Variants in GRIN2A observed in about 807,000 individuals in gnomAD.
The protein encoded by GRIN2A is glutamate receptor ionotropic, NMDA 2A.
Under a neutral mutation model 113.4 loss-of-function variants are expected in GRIN2A, and 22 were observed. The observed-to-expected ratio is 0.19, with a 90% confidence interval of 0.14 to 0.28. The LOEUF is 0.28. GRIN2A is among the 10% of genes least tolerant of loss of function. GRIN2A has a pLI of 1.00. For missense variants in GRIN2A, 1,502 were observed against 1,887.0 expected, an observed-to-expected ratio of 0.80 and a Z score of 3.78; for synonymous variants, 827 against 738.4, an observed-to-expected ratio of 1.12 and a Z score of -1.94.
intron 3 of GRIN2A, among the ~76,000 whole-genome samples, chr16:9,932,161 T>C (rs937738930): frequency 2.0e-5 from 3 of 152,206 alleles, no homozygotes; most frequent in Non-Finnish European, 4.4e-5. Flanking sequence ...AATATTCCAC[T>C]GGCCCCCAAA....
chr16:9,856,703 A>G (rs930853008), intron 4 of GRIN2A, among the ~76,000 whole-genome samples: 2 of 152,120 alleles, frequency 1.3e-5, no homozygotes, highest in African/African-American at 2.4e-5. Flanking sequence ...AGCTTTAATA[A>G]TTTCTGTAAT....
intron 10 of GRIN2A, among the ~76,000 whole-genome samples, chr16:9,821,627 C>T (rs2042287069): frequency 1.3e-5 from 2 of 152,302 alleles, no homozygotes; most frequent in South Asian, 4.1e-4. Flanking sequence ...ATTATTATTC[C>T]CATGTTAGAT....
At chr16:10,037,899 A>G (rs1319124542) in intron 2 of GRIN2A, among the ~76,000 whole-genome samples, 1 of 152,154 alleles carries the variant, frequency 6.6e-6, no homozygotes, top group Non-Finnish European at 1.5e-5. Context: ...GATTACAGGC[A>G]TGAATCATTG....
chr16:10,032,938 G>A (rs921633169), intron 2 of GRIN2A, among the ~76,000 whole-genome samples: 1 of 152,118 alleles, frequency 6.6e-6, no homozygotes, highest in Non-Finnish European at 1.5e-5. Context: ...TATATCCAGT[G>A]TCCTTACCCA....
intron 3 of GRIN2A, among the ~76,000 whole-genome samples, chr16:9,908,552 G>T (rs962602470): frequency 1.3e-5 from 2 of 152,060 alleles, no homozygotes; most frequent in African/African-American, 2.4e-5. Flanking sequence ...AAGAGGAAAA[G>T]AAGAGAAGTC....
chr16:9,799,234 G>C (rs184864395), intron 10 of GRIN2A, among the ~76,000 whole-genome samples: 14 of 152,328 alleles, frequency 9.2e-5, no homozygotes, highest in Admixed American at 9.2e-4. Context: ...CATTCATACA[G>C]AAGTAGGGTG....
intron 3 of GRIN2A, among the ~76,000 whole-genome samples, chr16:9,905,613 A>G (rs1214071781): frequency 6.6e-6 from 1 of 152,234 alleles, no homozygotes; most frequent in Non-Finnish European, 1.5e-5. Flanking sequence ...CTTCTATACC[A>G]GTACAGTTCA....
chr16:9,772,911 G>C (rs183292894), intron 11 of GRIN2A, among the ~76,000 whole-genome samples: 1 of 93,220 alleles, frequency 1.1e-5, no homozygotes, highest in Admixed American at 1.6e-4. Flanking sequence ...TGGTAAAGCA[G>C]ACTTCAATTT....
At chr16:9,945,265 T>C (rs909142921) in intron 2 of GRIN2A, among the ~76,000 whole-genome samples, 1 of 152,084 alleles carries the variant, frequency 6.6e-6, no homozygotes, top group African/African-American at 2.4e-5. Context: ...GGTCATCTGA[T>C]CTGCTACATT....
chr16:10,042,561 G>C (rs2047184520), intron 2 of GRIN2A, among the ~76,000 whole-genome samples: 1 of 152,138 alleles, frequency 6.6e-6, no homozygotes, highest in Admixed American at 6.5e-5. Context: ...CAACTAAGTT[G>C]CTCCCGAATA....
intron 2 of GRIN2A, among the ~76,000 whole-genome samples, chr16:10,015,050 T>C (rs1372415552): frequency 6.6e-6 from 1 of 151,650 alleles, no homozygotes; most frequent in Non-Finnish European, 1.5e-5. Context: ...GATCAGGAGT[T>C]CGGGACCAGC....
rs116918502 is a variant in GRIN2A at position 10,114,695 on chromosome 16, G to A, written c.414+65303C>T. On this transcript the variant is annotated intron_variant, in intron 2 of 12. Coordinates refer to ENST00000330684, the MANE Select transcript of GRIN2A (RefSeq NM_001134407.3). ...ATTTCTGACAGTATTTCCCAAGAAG[G>A]CAAACAGAGCCCAAAGCCTGTGCTT... Among the ~76,000 whole-genome samples, 1,380 of 152,282 alleles carry A rather than the reference G, an allele frequency of 9.1e-3. 19 individuals carry two copies. The highest frequency in any genetic ancestry group is 0.013 in the Non-Finnish European group (866 of 68,034).
intron 11 of GRIN2A, among the ~76,000 whole-genome samples, chr16:9,791,979 T>C (rs544728020): frequency 1.2e-4 from 19 of 152,276 alleles, no homozygotes; most frequent in African/African-American, 4.3e-4. Context: ...GCAGGGTTTG[T>C]GGTCCTCTCC....
intron 2 of GRIN2A, among the ~76,000 whole-genome samples, chr16:10,161,405 A>C (rs2049806586): frequency 6.6e-6 from 1 of 152,194 alleles, no homozygotes; most frequent in African/African-American, 2.4e-5. Context: ...GAACGAACTA[A>C]TACAACTTAA....
chr16:9,929,799 G>A (rs1029174862), intron 3 of GRIN2A, among the ~76,000 whole-genome samples: 21 of 152,098 alleles, frequency 1.4e-4, no homozygotes, highest in African/African-American at 4.8e-4. Context: ...CTTTTTGTTC[G>A]GCATTCTGGT....
chr16:9,845,078 G>GATCC (rs1237710247), intron 5 of GRIN2A, among the ~76,000 whole-genome samples: 2 of 152,104 alleles, frequency 1.3e-5, no homozygotes, highest in African/African-American at 4.8e-5. Flanking sequence ...GTTGGGATTA[G>GATCC]TGGATCCTAG....
rs2141114143 is a variant in GRIN2A at position 9,757,828 on chromosome 16, C to G, written c.*5321G>C. On this transcript the variant is annotated 3_prime_UTR_variant, in exon 13 of 13. Transcript: ENST00000330684. Reference sequence around the variant, plus strand: ...GATTGTGAGGGAGTTTAAAGGAAAACCAAATTCAAAGAAGCATGGGTAGGT... The same window carrying G: ...GATTGTGAGGGAGTTTAAAGGAAAAGCAAATTCAAAGAAGCATGGGTAGGT... The G allele has an allele frequency of 4.5e-6, 1 of 224,158 alleles. No homozygotes were observed. The highest frequency in any genetic ancestry group is 5.7e-5 in the Admixed American group (1 of 17,456). 13.9% of individuals were successfully genotyped at this position (224,158 alleles called of 1,614,324 possible).
At chr16:9,835,908 A>T (rs1008542193) in intron 7 of GRIN2A, among the ~76,000 whole-genome samples, 10 of 152,204 alleles carry the variant, frequency 6.6e-5, no homozygotes, top group African/African-American at 1.9e-4. Flanking sequence ...TTGATAGTGC[A>T]AATATATTAA....
Position 10,180,233 on chromosome 16 carries a change from G to A in GRIN2A, c.179C>T (p.Ala60Val), listed in dbSNP as rs758117698. 2.5e-6 allele frequency: 4 copies of A among 1,614,038 alleles called. No individual in the cohort carries two copies. In the East Asian group the frequency reaches 8.9e-5, roughly 36 times the overall value. ...ELRTLWGPEQ[A>V]AGLPLDVNVV... ...GTTCACGTCCAGGGGCAGCCCCGCC[G>A]CCTGCTCGGGGCCCCACAGTGTTCG... The change falls in exon 2 of 13, where the codon GCG becomes GTG. Residue 60 changes from alanine to valine, a missense_variant. Ala to Val is a moderately conservative substitution (Grantham distance 64). Coordinates refer to ENST00000330684, the MANE Select transcript of GRIN2A (RefSeq NM_001134407.3). The surrounding 1 kb of genome is among the most constrained non-coding windows in gnomAD (Gnocchi z 7.0).
Sources: gnomAD v4.1 joint callset for allele counts (sites outside exome capture counted in the v4.1 genomes callset) on GRCh38, gnomAD v4.1.1 for gene constraint, Gnocchi (gnomAD v3.1) non-coding constraint, MANE v1.5 for transcripts, NCBI Gene and HGNC (gene_info 2026-07-23, HGNC 2026-07-21) for gene names.